Variants in RPS6KA2 observed in about 807,000 individuals in gnomAD.
RPS6KA2 encodes the protein ribosomal protein S6 kinase A2.
A neutral mutation model predicts 91.8 loss-of-function variants in RPS6KA2; 42 were observed. The ratio of observed to expected loss-of-function variants is 0.46; its 90% CI spans 0.36 to 0.59. The LOEUF is 0.59. Ranked by LOEUF, RPS6KA2 falls within the 20% of genes least tolerant of loss-of-function variation. RPS6KA2 has a pLI of 0.00. For missense variants in RPS6KA2, 798 were observed against 978.5 expected (o/e 0.82, Z 2.46); for synonymous variants, 414 against 393.6 (o/e 1.05, Z -0.61).
At chr6:166,444,649 T>A (rs991668530) in intron 14 of RPS6KA2, among the ~76,000 whole-genome samples, 1 of 152,100 alleles carries the variant, frequency 6.6e-6, no homozygotes, top group Non-Finnish European at 1.5e-5. Flanking sequence ...AGGAAGAGGG[T>A]CGGTGTCTTC....
Position 166,500,751 on chromosome 6 carries a change from A to T in RPS6KA2, c.604+136T>A. The T allele has an allele frequency of 1.3e-6, 1 of 778,414 alleles. No homozygotes were observed. The highest frequency in any genetic ancestry group is 2.2e-6 in the Non-Finnish European group (1 of 457,634). The allele number at this position is 778,414 out of a possible 1,614,324, so 48.2% of individuals were successfully genotyped here. ...CCATAAGCAGTCTGTAGCTATAGAAAATTCTGCCAAATCAGAGACAAGCAT... is the reference window on the plus strand; with the variant it reads ...CCATAAGCAGTCTGTAGCTATAGAATATTCTGCCAAATCAGAGACAAGCAT... On this transcript the variant is annotated intron_variant, in intron 7 of 20. Coordinates refer to ENST00000265678, the MANE Select transcript of RPS6KA2 (RefSeq NM_021135.6). The surrounding 1 kb of genome is among the most constrained non-coding windows in gnomAD (Gnocchi z 4.3).
chr6:166,454,854 T>C (rs1330410262), intron 12 of RPS6KA2, among the ~76,000 whole-genome samples: 1 of 150,658 alleles, frequency 6.6e-6, no homozygotes, highest in Non-Finnish European at 1.5e-5. Context: ...TTTTAATATA[T>C]TTAAAAACAG....
chr6:166,830,969 T>C (rs1099660), intron 2 of RPS6KA2, among the ~76,000 whole-genome samples: 149,029 of 152,280 alleles, frequency 0.98, 72,995 homozygotes, highest in East Asian at 1. Context: ...TTGGGCTGGG[T>C]CACACGCTGT....
chr6:166,684,455 A>ACT (rs1788943585), intron 2 of RPS6KA2, among the ~76,000 whole-genome samples: 1 of 152,180 alleles, frequency 6.6e-6, no homozygotes, highest in Non-Finnish European at 1.5e-5. Context: ...GAGCTGTAAC[A>ACT]CTGCTGCTTC....
rs11753034 is a variant in RPS6KA2 at position 166,563,403 on chromosome 6, T to C, written c.100-24619A>G. ...AGTCTCCTGGGCTCGCCGCCAGCGGTGGGATCCCTCTTCCTGCACAGAACC... is the reference window on the plus strand; with the variant it reads ...AGTCTCCTGGGCTCGCCGCCAGCGGCGGGATCCCTCTTCCTGCACAGAACC... On this transcript the variant is annotated intron_variant, in intron 1 of 20. Transcript: ENST00000265678. The surrounding 1 kb of genome is among the most constrained non-coding windows in gnomAD (Gnocchi z 4.1). 6.6e-6 allele frequency among the ~76,000 whole-genome samples: 1 copy of C among 152,142 alleles called. No individual in the cohort carries two copies. The highest frequency in any genetic ancestry group is 6.5e-5 in the Admixed American group (1 of 15,280).
At position 166,541,736 on chromosome 6, in the gene RPS6KA2, C is replaced by T. The variant is rs574756448; in HGVS notation, c.100-2952G>A. The stretch of plus-strand genomic sequence containing the variant: ...TCACCTTCTTTAGTCATTTCTGTAA[C>T]GTTTCGAATCAAAGCCTTCGACGCA... On this transcript the variant is annotated intron_variant, in intron 1 of 20. Transcript: ENST00000265678. Among the ~76,000 whole-genome samples, 4 of 152,266 alleles carry T rather than the reference C, an allele frequency of 2.6e-5. No homozygotes were observed. The South Asian group carries it at 6.2e-4, about 24-fold the overall frequency.
At chr6:166,536,209 C>T (rs1246951643) in intron 2 of RPS6KA2, among the ~76,000 whole-genome samples, 2 of 152,254 alleles carry the variant, frequency 1.3e-5, no homozygotes, top group Admixed American at 6.5e-5. Context: ...AGGCCTGTCC[C>T]GGGACACTGC....
In RPS6KA2 at chr6:166,445,320, A is replaced by G. The variant is rs1044472864; in HGVS notation, c.1332+3404T>C. On this transcript the variant is annotated intron_variant, in intron 14 of 20. Transcript: ENST00000265678. This position sits in a 1 kb window ranked among gnomAD's most constrained non-coding sequence, Gnocchi z 4.5. ...TGCTAAAGGACTCACCAGAAACTCA[A>G]TGAAGAAGAAAAACTCCATCCCCAT... is the stretch of plus-strand genomic sequence containing the variant. Among the ~76,000 whole-genome samples the G allele has an allele frequency of 6.6e-6, 1 of 152,150 alleles. No individual in the cohort carries two copies. Among genetic ancestry groups the G allele is most frequent in the African/African-American group, 2.4e-5 (1 of 41,434 alleles).
At chr6:166,723,988 CTG>C (rs1420546026) in intron 2 of RPS6KA2, among the ~76,000 whole-genome samples, 1 of 152,168 alleles carries the variant, frequency 6.6e-6, no homozygotes, top group Non-Finnish European at 1.5e-5. Context: ...GTGTGAGCCA[CTG>C]TGCCTGGCCC....
intron 2 of RPS6KA2, among the ~76,000 whole-genome samples, chr6:166,707,683 C>A (rs1789720518): frequency 6.6e-6 from 1 of 152,056 alleles, no homozygotes; most frequent in Non-Finnish European, 1.5e-5. Context: ...AAATATAGTA[C>A]CTTAATTATG....
At chr6:166,559,576 A>C (rs893523661) in intron 1 of RPS6KA2, among the ~76,000 whole-genome samples, 23 of 151,882 alleles carry the variant, frequency 1.5e-4, no homozygotes, top group African/African-American at 5.6e-4. Flanking sequence ...TGGACTGGTG[A>C]GTAAGTTTCA....
chr6:166,471,132 T>C (rs1780751946), intron 10 of RPS6KA2, among the ~76,000 whole-genome samples: 1 of 152,220 alleles, frequency 6.6e-6, no homozygotes. Flanking sequence ...TCCTGTGCCA[T>C]GTATGCCCCT....
At chr6:166,723,544 G>A (rs1385083434) in intron 2 of RPS6KA2, among the ~76,000 whole-genome samples, 2 of 152,182 alleles carry the variant, frequency 1.3e-5, no homozygotes, top group Non-Finnish European at 2.9e-5. Flanking sequence ...TGGCAGCCAG[G>A]ATCTAATAAC....
Position 166,419,802 on chromosome 6 carries a change from G to T in RPS6KA2, c.1820+80C>A. On this transcript the variant is annotated intron_variant, in intron 18 of 20. Coordinates refer to ENST00000265678, the MANE Select transcript of RPS6KA2 (RefSeq NM_021135.6). The surrounding 1 kb of genome is among the most constrained non-coding windows in gnomAD (Gnocchi z 5.6). ...ACATGCGCACACTAGGACAGGGCTG[G>T]CCCTGGTCCCCTGACAGATCAGCCA... 1.5e-6 allele frequency: 2 copies of T among 1,292,816 alleles called. No individual in the cohort carries two copies. Among genetic ancestry groups the T allele is most frequent in the Non-Finnish European group, 2.2e-6 (2 of 890,716 alleles). The allele number at this position is 1,292,816 out of a possible 1,614,324, so 80.1% of individuals were successfully genotyped here. A position where few individuals can be genotyped will look rare whatever the true frequency, so the allele number is the denominator to read the frequency against.
chr6:166,496,672 G>A (rs1221499661), intron 8 of RPS6KA2, among the ~76,000 whole-genome samples: 1 of 152,194 alleles, frequency 6.6e-6, no homozygotes, highest in Non-Finnish European at 1.5e-5. Flanking sequence ...ACAAAGGCTG[G>A]CCCGCAGTAC....
At chr6:166,713,168 C>A (rs906848921) in intron 2 of RPS6KA2, among the ~76,000 whole-genome samples, 2 of 152,198 alleles carry the variant, frequency 1.3e-5, no homozygotes, top group African/African-American at 4.8e-5. Context: ...CCCCATCCCC[C>A]GGAACACAAC....
intron 2 of RPS6KA2, among the ~76,000 whole-genome samples, chr6:166,736,705 G>A (rs939365769): frequency 6.6e-6 from 1 of 152,068 alleles, no homozygotes; most frequent in Non-Finnish European, 1.5e-5. Context: ...GCCGAGGGTC[G>A]CCACCCACCC....
In RPS6KA2 at chr6:166,648,250, G is replaced by A. The variant is rs528905471; in HGVS notation, c.124-109466C>T. On this transcript the variant is annotated intron_variant, in intron 2 of 21. Transcript: ENST00000503859. This position sits in a 1 kb window ranked among gnomAD's most constrained non-coding sequence, Gnocchi z 4.8. ...TGCGCACACACACACATTCACACAGGCACACACACTCATGTTCATACACAC... is the reference window on the plus strand; with the variant it reads ...TGCGCACACACACACATTCACACAGACACACACACTCATGTTCATACACAC... Among the ~76,000 whole-genome samples the A allele has an allele frequency of 2.5e-5, 3 of 118,738 alleles. No homozygotes were observed. The highest frequency in any genetic ancestry group is 8.9e-5 in the African/African-American group (3 of 33,748). The allele number at this position is 118,738 out of a possible 152,430, so 77.9% of individuals were successfully genotyped here.
intron 1 of RPS6KA2, among the ~76,000 whole-genome samples, chr6:166,581,229 A>G (rs914738077): frequency 5.3e-5 from 8 of 152,138 alleles, no homozygotes; most frequent in East Asian, 3.9e-4. Flanking sequence ...CATATTGTCT[A>G]TGATTCTTTA....
Sources: allele counts gnomAD v4.1 joint callset (sites outside exome capture counted in the v4.1 genomes callset), GRCh38; gene constraint gnomAD v4.1.1; non-coding constraint Gnocchi (gnomAD v3.1); transcripts MANE v1.5; gene names NCBI Gene and HGNC (gene_info 2026-07-23, HGNC 2026-07-21).